Variants in PCDHGA4 observed in about 807,000 individuals in gnomAD.
PCDHGA4 encodes protocadherin gamma subfamily A, 4, also known as protocadherin gamma-A4.
Under a neutral mutation model 54.6 loss-of-function variants are expected in PCDHGA4, and 38 were observed. That is an observed-to-expected ratio of 0.70 (90% confidence interval 0.54 to 0.91). The LOEUF (loss-of-function observed/expected upper bound fraction) is 0.91. Ranked by LOEUF, PCDHGA4 falls within the 40% of genes least tolerant of loss-of-function variation. The probability of loss-of-function intolerance (pLI) is 0.00; values close to 1 mark genes in which losing one functional copy is unlikely to be tolerated. For synonymous variants in PCDHGA4, 511 were observed against 512.9 expected (o/e 1.00, Z 0.05); for missense variants, 1,298 against 1,220.9 (o/e 1.06, Z -0.94).
At chr5:141,415,024 G>C in intron 1 of PCDHGA4, 1 of 1,613,568 alleles carries the variant, frequency 6.2e-7, no homozygotes, top group Non-Finnish European at 8.5e-7. Flanking sequence ...CAAGGCCAGC[G>C]AGCCGGGACT....
chr5:141,450,908 G>A (rs1248622378), intron 1 of PCDHGA4, among the ~76,000 whole-genome samples: 12 of 147,640 alleles, frequency 8.1e-5, no homozygotes, highest in East Asian at 6.0e-4. Flanking sequence ...CACTGCAACC[G>A]CTGCCTCCCA....
At position 141,511,349 on chromosome 5, in the gene PCDHGA4, C is replaced by CG; in HGVS notation, c.*176_*177insG. On this transcript the variant is annotated 3_prime_UTR_variant, in exon 4 of 4. Coordinates refer to ENST00000571252, the MANE Select transcript of PCDHGA4 (RefSeq NM_018917.4). The stretch of plus-strand genomic sequence containing the variant: ...GCCCAGTCAGCACCTACCCCTTCCC[C>CG]CCCAGGGGGTTGAATATGCAAAAGC... 7.1e-7 allele frequency: 1 copy of CG among 1,401,498 alleles called. No homozygotes were observed. Among genetic ancestry groups the CG allele is most frequent in the African/African-American group, 1.5e-5 (1 of 68,948 alleles). 86.8% of individuals were successfully genotyped at this position (1,401,498 alleles called of 1,614,324 possible).
intron 1 of PCDHGA4, chr5:141,391,629 T>C (rs1048656119): frequency 6.6e-6 from 1 of 152,234 alleles, no homozygotes; most frequent in African/African-American, 2.4e-5. Flanking sequence ...AAGAAAGTTT[T>C]AGTCAGTGAA....
chr5:141,430,913 C>A (rs1485488693), intron 1 of PCDHGA4: 1 of 1,607,720 alleles, frequency 6.2e-7, no homozygotes, highest in East Asian at 2.2e-5. Context: ...CTCCAGGGAC[C>A]TGGGGCTGGA....
At chr5:141,422,782 C>CG in intron 1 of PCDHGA4, 1 of 1,614,090 alleles carries the variant, frequency 6.2e-7, no homozygotes, top group South Asian at 1.1e-5. Context: ...CTATGCCCTA[C>CG]AATCCTTCGA....
At chr5:141,372,991 G>T (rs758452366) in intron 1 of PCDHGA4, among the ~76,000 whole-genome samples, 6 of 152,158 alleles carry the variant, frequency 3.9e-5, no homozygotes, top group Admixed American at 2.0e-4. Context: ...TGTTGCAGTT[G>T]TTCTTTCATA....
chr5:141,478,623 G>A, intron 1 of PCDHGA4: 2 of 1,554,358 alleles, frequency 1.3e-6, no homozygotes, highest in Non-Finnish European at 1.7e-6. Flanking sequence ...GAATGGAGCT[G>A]TTTTTTTAGT....
chr5:141,376,604 C>T (rs1772886423), intron 1 of PCDHGA4: 4 of 1,509,582 alleles, frequency 2.6e-6, no homozygotes, highest in Non-Finnish European at 3.6e-6. Context: ...GTTATAGAAG[C>T]GAACCTCTTT....
chr5:141,427,161 G>A (rs1561826750), intron 1 of PCDHGA4: 1 of 456,698 alleles, frequency 2.2e-6, no homozygotes, highest in Non-Finnish European at 4.4e-6. Flanking sequence ...GTTTGTGCTA[G>A]ACCATCAAAA....
At chr5:141,419,757 G>C in intron 1 of PCDHGA4, 1 of 1,613,994 alleles carries the variant, frequency 6.2e-7, no homozygotes, top group Non-Finnish European at 8.5e-7. Flanking sequence ...CGTGCTTTGG[G>C]TGACAAGGAC....
At chr5:141,409,119 C>T (rs1231583978) in intron 1 of PCDHGA4, 8 of 1,613,810 alleles carry the variant, frequency 5.0e-6, no homozygotes, top group Non-Finnish European at 6.8e-6. Flanking sequence ...AATAACCAGT[C>T]ATTTGATTTT....
At chr5:141,361,888 G>T (rs201231976) in intron 1 of PCDHGA4, 1 of 1,610,098 alleles carries the variant, frequency 6.2e-7, no homozygotes, top group African/African-American at 1.3e-5. Context: ...CGCAGAGCCC[G>T]GCTACCTGGT....
chr5:141,407,497 G>GTTTTTTTTTTTTTTTTT (rs1554102286), intron 1 of PCDHGA4, among the ~76,000 whole-genome samples: 2 of 151,970 alleles, frequency 1.3e-5, no homozygotes, highest in African/African-American at 4.8e-5. Context: ...CTTTATTTCT[G>GTTTTTTTTTTTTTTTTT]TTTTTCTTAG....
intron 1 of PCDHGA4, among the ~76,000 whole-genome samples, chr5:141,436,604 G>A (rs2097836057): frequency 6.6e-6 from 1 of 152,146 alleles, no homozygotes; most frequent in Admixed American, 6.5e-5. Context: ...GTGATGGCTA[G>A]GGCTAACAAA....
intron 1 of PCDHGA4, among the ~76,000 whole-genome samples, chr5:141,461,151 C>A (rs1424467673): frequency 6.6e-6 from 1 of 152,022 alleles, no homozygotes; most frequent in African/African-American, 2.4e-5. Context: ...TGGGTAGATA[C>A]CCAATAGTGG....
chr5:141,481,475 C>T (rs1423011632), intron 1 of PCDHGA4, among the ~76,000 whole-genome samples: 1 of 152,200 alleles, frequency 6.6e-6, no homozygotes, highest in Non-Finnish European at 1.5e-5. Context: ...TTGGATTATA[C>T]ACTTTAAATA....
chr5:141,361,135 C>G (rs535070372), intron 1 of PCDHGA4: 1 of 1,613,506 alleles, frequency 6.2e-7, no homozygotes, highest in South Asian at 1.1e-5. Flanking sequence ...CTGCAGTATC[C>G]AAGTTGAAAT....
chr5:141,398,692 AG>A, intron 1 of PCDHGA4: 1 of 1,613,942 alleles, frequency 6.2e-7, no homozygotes, highest in Non-Finnish European at 8.5e-7. Context: ...ACAGGATGGT[AG>A]TAAATACCCG....
intron 1 of PCDHGA4, chr5:141,405,303 G>C: frequency 1.2e-6 from 2 of 1,614,230 alleles, no homozygotes; most frequent in African/African-American, 1.3e-5. Context: ...AGCCAGCAGA[G>C]CTGTGAGAAA....
Sources: allele counts gnomAD v4.1 joint callset (sites outside exome capture counted in the v4.1 genomes callset), GRCh38; gene constraint gnomAD v4.1.1; transcripts MANE v1.5; gene names NCBI Gene and HGNC (gene_info 2026-07-23, HGNC 2026-07-21).